The following ADCY8 variants were observed in gnomAD, a reference collection of about 807,000 sequenced individuals.
ADCY8 encodes adenylate cyclase 8, also known as adenylate cyclase type 8.
A neutral mutation model predicts 119.7 loss-of-function variants in ADCY8; 51 were observed. The observed-to-expected ratio is 0.43, with a 90% CI of 0.34 to 0.54. The LOEUF (loss-of-function observed/expected upper bound fraction) is 0.54. ADCY8 is among the 20% of genes least tolerant of loss of function. ADCY8 has a pLI of 0.03. For missense variants in ADCY8, 1,383 were observed against 1,598.8 expected (o/e 0.87, Z 2.30); for synonymous variants, 665 against 651.0 (o/e 1.02, Z -0.33).
chr8:130,820,033 T>C (rs548253060), intron 13 of ADCY8, among the ~76,000 whole-genome samples: 51 of 152,190 alleles, frequency 3.4e-4, no homozygotes, highest in Non-Finnish European at 6.8e-4. Context: ...ACTTTCATCG[T>C]CCATAAAACA....
intron 5 of ADCY8, among the ~76,000 whole-genome samples, chr8:130,932,076 C>T (rs1414950648): frequency 6.6e-6 from 1 of 152,172 alleles, no homozygotes; most frequent in Non-Finnish European, 1.5e-5. Context: ...TCTTCACAGA[C>T]TGGATTTTCC....
intron 1 of ADCY8, among the ~76,000 whole-genome samples, chr8:131,037,881 G>A (rs1824212524): frequency 6.6e-6 from 1 of 152,096 alleles, no homozygotes; most frequent in South Asian, 2.1e-4. Flanking sequence ...TAGATATGAA[G>A]GTTCATGGTG....
chr8:130,866,822 A>C (rs10505566), intron 9 of ADCY8, among the ~76,000 whole-genome samples: 24,870 of 152,090 alleles, frequency 0.16, 2,442 homozygotes, highest in Non-Finnish European at 0.22. Flanking sequence ...CTCACTCATC[A>C]GTTATTTTTG....
chr8:130,924,591 T>C (rs1169128140), intron 5 of ADCY8, among the ~76,000 whole-genome samples: 2 of 152,164 alleles, frequency 1.3e-5, no homozygotes, highest in Admixed American at 1.3e-4. Flanking sequence ...CTAGGTCTCA[T>C]CTTCAGCCTG....
chr8:130,821,221 TA>T, intron 13 of ADCY8, 120 bp downstream of exon 13: 5 of 728,370 alleles, frequency 6.9e-6, no homozygotes, highest in Non-Finnish European at 6.9e-6. Context: ...ATTGATTCTT[TA>T]AGAACCACAA....
chr8:130,942,365 T>C (rs181749533), intron 4 of ADCY8, among the ~76,000 whole-genome samples: 24 of 152,362 alleles, frequency 1.6e-4, no homozygotes, highest in Non-Finnish European at 2.9e-4. Flanking sequence ...GTGTTACCTC[T>C]GTGTTTCCAT....
intron 9 of ADCY8, among the ~76,000 whole-genome samples, chr8:130,864,206 C>T (rs1818037338): frequency 6.6e-6 from 1 of 152,162 alleles, no homozygotes; most frequent in African/African-American, 2.4e-5. Flanking sequence ...CAGTGTCCTT[C>T]CTTCTGGTAA....
At chr8:130,792,842 C>G (rs1180902757) in intron 15 of ADCY8, among the ~76,000 whole-genome samples, 1 of 152,208 alleles carries the variant, frequency 6.6e-6, no homozygotes, top group Non-Finnish European at 1.5e-5. Flanking sequence ...CCATCCCCAT[C>G]AGTCTCAGAG....
chr8:130,958,350 G>A (rs956009738), intron 2 of ADCY8, among the ~76,000 whole-genome samples: 1 of 152,024 alleles, frequency 6.6e-6, no homozygotes, highest in Non-Finnish European at 1.5e-5. Context: ...CTTTCTTGAG[G>A]TCTTTATGCA....
chr8:130,993,715 C>G (rs1822675499), intron 1 of ADCY8, among the ~76,000 whole-genome samples: 1 of 152,180 alleles, frequency 6.6e-6, no homozygotes. Flanking sequence ...TCTCCTTCTG[C>G]CATGATTGTG....
rs1192398538 is a variant in ADCY8 at position 130,849,743 on chromosome 8, G to A, written c.2271C>T (p.Leu757=). ...ILIMLHSALV[L]ITTAEDYKCL... is the part of the protein sequence containing the mutation. ...ATTTATAATCCTCTGCTGTGGTGATGAGGACCAGAGCCGAGTGCAGCATAA... is the reference window on the plus strand; with the variant it reads ...ATTTATAATCCTCTGCTGTGGTGATAAGGACCAGAGCCGAGTGCAGCATAA... The change falls in exon 10 of 18, where the codon CTC becomes CTT. Residue 757 remains leucine, a synonymous_variant. Coordinates refer to ENST00000286355, the MANE Select transcript of ADCY8 (RefSeq NM_001115.3). 1.9e-6 allele frequency: 3 copies of A among 1,613,880 alleles called. No individual in the cohort carries two copies. The highest frequency in any genetic ancestry group is 2.5e-6 in the Non-Finnish European group (3 of 1,179,880).
intron 14 of ADCY8, among the ~76,000 whole-genome samples, chr8:130,813,459 A>G (rs1232176382): frequency 6.6e-6 from 1 of 152,196 alleles, no homozygotes; most frequent in Admixed American, 6.5e-5. Context: ...CACTCTAGGT[A>G]CCTTATATAA....
At chr8:130,921,297 A>C (rs1184430992) in intron 5 of ADCY8, among the ~76,000 whole-genome samples, 2 of 152,138 alleles carry the variant, frequency 1.3e-5, no homozygotes, top group Non-Finnish European at 2.9e-5. Flanking sequence ...ATAAATAAAA[A>C]ATTAAAAAAG....
intron 2 of ADCY8, among the ~76,000 whole-genome samples, chr8:130,961,254 G>T (rs1345580277): frequency 2.0e-5 from 3 of 152,024 alleles, no homozygotes; most frequent in Non-Finnish European, 4.4e-5. Flanking sequence ...GATTACAGGT[G>T]CCTGCCACCA....
intron 9 of ADCY8, among the ~76,000 whole-genome samples, chr8:130,855,738 C>T (rs533539824): frequency 3.3e-5 from 5 of 152,230 alleles, no homozygotes; most frequent in African/African-American, 1.2e-4. Context: ...CCACATCCAG[C>T]CAGTCACTGT....
chr8:130,788,157 CT>C (rs2130060348), intron 15 of ADCY8, among the ~76,000 whole-genome samples: 1 of 152,260 alleles, frequency 6.6e-6, no homozygotes, highest in Non-Finnish European at 1.5e-5. Context: ...GTGAATGATG[CT>C]GCAGTGAACA....
intron 12 of ADCY8, among the ~76,000 whole-genome samples, chr8:130,823,600 T>A (rs1464444565): frequency 6.6e-6 from 1 of 152,182 alleles, no homozygotes; most frequent in African/African-American, 2.4e-5. Flanking sequence ...TGTAGCATAA[T>A]GTAATTTTCA....
intron 2 of ADCY8, among the ~76,000 whole-genome samples, chr8:130,970,862 A>G (rs552893019): frequency 1.1e-4 from 16 of 152,306 alleles, no homozygotes; most frequent in South Asian, 6.2e-4. Context: ...TGAGTGTCCA[A>G]TGAGAAATGA....
At position 130,990,418 on chromosome 8, in the gene ADCY8, C is replaced by A; in HGVS notation, c.1085G>T (p.Arg362Leu). 2 of 1,614,156 alleles carry A rather than the reference C, an allele frequency of 1.2e-6. No individual in the cohort carries two copies. Among genetic ancestry groups the A allele is most frequent in the Non-Finnish European group, 8.5e-7 (1 of 1,180,002 alleles). The change falls in exon 2 of 18, where the codon CGC (arginine) becomes CTC (leucine). Residue 362 changes from arginine (R) to leucine (L), a missense_variant. Arg to Leu is a moderately radical substitution (Grantham distance 102). This residue lies in a region of ADCY8 where 928 missense variants were observed against 1,163.5 expected (regional missense o/e 0.80). Coordinates refer to ENST00000286355, the MANE Select transcript of ADCY8 (RefSeq NM_001115.3). ...CTGTCTTTGGTTCTCTGTCTCCAGG[C>A]GCAGCCTGGCCTCCACACACCTCCG... Reference protein sequence around the residue: ...ETRRCVEARLRLETENQRQER... With the variant: ...ETRRCVEARLLLETENQRQER...
Sources: gnomAD v4.1 joint callset for allele counts (sites outside exome capture counted in the v4.1 genomes callset) on GRCh38, gnomAD v4.1.1 for gene constraint, gnomAD v4.1.1 regional missense constraint, MANE v1.5 for transcripts, NCBI Gene and HGNC (gene_info 2026-07-23, HGNC 2026-07-21) for gene names.